KCNH7: variants seen among roughly 807,000 people sequenced by gnomAD.
KCNH7 encodes potassium voltage-gated channel subfamily H member 7.
A neutral mutation model predicts 120.8 loss-of-function variants in KCNH7; 49 were observed. That is an observed-to-expected ratio of 0.41 (90% CI 0.32 to 0.51). The LOEUF is 0.51. Ranked by LOEUF, KCNH7 falls within the 20% of genes least tolerant of loss-of-function variation. The pLI, the probability that KCNH7 is intolerant of heterozygous loss-of-function variation, is 0.38. For synonymous variants in KCNH7, 547 were observed against 516.1 expected (o/e 1.06, Z -0.81); for missense variants, 1,097 against 1,446.6 (o/e 0.76, Z 3.92).
intron 2 of KCNH7, among the ~76,000 whole-genome samples, chr2:162,753,728 G>A (rs1378918979): frequency 1.3e-5 from 2 of 151,990 alleles, no homozygotes; most frequent in African/African-American, 4.8e-5. Context: ...AGATTAGGTT[G>A]GAACAAGCTG....
chr2:162,599,301 T>C (rs1222393154), intron 2 of KCNH7, among the ~76,000 whole-genome samples: 1 of 151,830 alleles, frequency 6.6e-6, no homozygotes, highest in African/African-American at 2.4e-5. Flanking sequence ...TTCTTCAGAG[T>C]GGGAATTTAA....
At chr2:162,765,612 GA>G (rs1341358041) in intron 2 of KCNH7, among the ~76,000 whole-genome samples, 1 of 152,168 alleles carries the variant, frequency 6.6e-6, no homozygotes, top group Admixed American at 6.5e-5. Context: ...GAATTTAATA[GA>G]GGGGGTGATA....
intron 2 of KCNH7, among the ~76,000 whole-genome samples, chr2:162,752,983 G>GAAAAGAAAAGAAAAGAAAAGAA (rs1688643542): frequency 1.6e-5 from 2 of 121,300 alleles, no homozygotes; most frequent in Non-Finnish European, 3.1e-5. Context: ...GAAAAGAAAA[G>GAAAAGAAAAGAAAAGAAAAGAA]AAAAGAAAAG....
At chr2:162,376,738 C>T (rs1301256025) in intron 14 of KCNH7, among the ~76,000 whole-genome samples, 1 of 152,084 alleles carries the variant, frequency 6.6e-6, no homozygotes, top group Non-Finnish European at 1.5e-5. Context: ...TCAACTAGAC[C>T]TATTAACTTG....
intron 2 of KCNH7, among the ~76,000 whole-genome samples, chr2:162,595,207 T>A (rs553406814): frequency 6.6e-6 from 1 of 152,120 alleles, no homozygotes; most frequent in African/African-American, 2.4e-5. Context: ...AGCACCTTTT[T>A]CACAGGGTGC....
chr2:162,475,076 C>T (rs1418615357), intron 6 of KCNH7, among the ~76,000 whole-genome samples: 2 of 152,188 alleles, frequency 1.3e-5, no homozygotes, highest in Non-Finnish European at 2.9e-5. Flanking sequence ...GGCTTGTTGT[C>T]TTCAGACACT....
rs545399266 is a variant in KCNH7 at position 162,408,697 on chromosome 2, G to A, written c.2155-8256C>T. Among the ~76,000 whole-genome samples, 3 of 151,960 alleles carry A rather than the reference G, an allele frequency of 2.0e-5. No individual in the cohort carries two copies. In the East Asian group the frequency reaches 5.8e-4, roughly 30 times the overall value. ...GAATGTTTCAGAAATCTTTTATAAA[G>A]GTGGGTCATTAAGAAAAATGCAACC... is the stretch of plus-strand genomic sequence containing the variant. On this transcript the variant is annotated intron_variant, in intron 9 of 15. Coordinates refer to ENST00000332142, the MANE Select transcript of KCNH7 (RefSeq NM_033272.4).
chr2:162,427,753 T>A (rs539655084), intron 8 of KCNH7, among the ~76,000 whole-genome samples: 1 of 152,028 alleles, frequency 6.6e-6, no homozygotes, highest in South Asian at 2.1e-4. Context: ...ATTTTGTTTG[T>A]TTCAGTTTTG....
At chr2:162,677,623 A>G (rs1044043899) in intron 2 of KCNH7, among the ~76,000 whole-genome samples, 1 of 151,556 alleles carries the variant, frequency 6.6e-6, no homozygotes, top group African/African-American at 2.4e-5. Flanking sequence ...GTCATTATGA[A>G]TAATGCTTAT....
chr2:162,786,986 A>G (rs1310590417), intron 2 of KCNH7, among the ~76,000 whole-genome samples: 4 of 152,238 alleles, frequency 2.6e-5, no homozygotes. Context: ...ACCTTCCCCG[A>G]AAACCATGCA....
chr2:162,666,851 G>T (rs1017008820), intron 2 of KCNH7, among the ~76,000 whole-genome samples: 13 of 151,852 alleles, frequency 8.6e-5, no homozygotes, highest in African/African-American at 2.9e-4. Context: ...AGTTCCTCTG[G>T]TCATTAAAAA....
chr2:162,523,647 T>G (rs1691605261), intron 3 of KCNH7, among the ~76,000 whole-genome samples: 1 of 151,834 alleles, frequency 6.6e-6, no homozygotes. Flanking sequence ...CTTCAACCAA[T>G]TCTTCTAACT....
At chr2:162,752,964 A>AAAAGAAAAGAAAAGAAAAGAAAAGAAAAG (rs1688637899) in intron 2 of KCNH7, among the ~76,000 whole-genome samples, 4 of 115,326 alleles carry the variant, frequency 3.5e-5, no homozygotes, top group African/African-American at 1.6e-4. Flanking sequence ...AAAAGAAAAG[A>AAAAGAAAAGAAAAGAAAAGAAAAGAAAAG]AAAGAAAAGA....
chr2:162,682,913 C>T (rs1485251863), intron 2 of KCNH7, among the ~76,000 whole-genome samples: 1 of 151,826 alleles, frequency 6.6e-6, no homozygotes, highest in East Asian at 1.9e-4. Context: ...ATCAATACAA[C>T]TGAACTCAAG....
chr2:162,700,124 C>T (rs1373057735), intron 2 of KCNH7, among the ~76,000 whole-genome samples: 1 of 152,006 alleles, frequency 6.6e-6, no homozygotes, highest in Non-Finnish European at 1.5e-5. Context: ...TTCAGGAAAA[C>T]TTTGAGTGCT....
At chr2:162,752,999 A>AAAAG in intron 2 of KCNH7, among the ~76,000 whole-genome samples, 3 of 145,668 alleles carry the variant, frequency 2.1e-5, no homozygotes, top group African/African-American at 7.8e-5. Flanking sequence ...AAAAGAAAAG[A>AAAAG]AAAGAAAAGA....
At chr2:162,499,168 A>G (rs1255785741) in intron 6 of KCNH7, among the ~76,000 whole-genome samples, 1 of 152,162 alleles carries the variant, frequency 6.6e-6, no homozygotes, top group Non-Finnish European at 1.5e-5. Context: ...AATTGGCACA[A>G]TATTTGAACT....
chr2:162,777,398 C>G (rs1481808505), intron 2 of KCNH7, among the ~76,000 whole-genome samples: 1 of 151,978 alleles, frequency 6.6e-6, no homozygotes, highest in African/African-American at 2.4e-5. Context: ...AAAGTCTGTA[C>G]ATGTTTAGTA....
chr2:162,785,624 T>A (rs1486878778), intron 2 of KCNH7, among the ~76,000 whole-genome samples: 1 of 152,198 alleles, frequency 6.6e-6, no homozygotes, highest in East Asian at 1.9e-4. Context: ...AAGGAAGGCT[T>A]TCTGTGTTTT....
Sources: gnomAD v4.1 joint callset for allele counts (sites outside exome capture counted in the v4.1 genomes callset) on GRCh38, gnomAD v4.1.1 for gene constraint, MANE v1.5 for transcripts, NCBI Gene and HGNC (gene_info 2026-07-23, HGNC 2026-07-21) for gene names.